Variants in GAS7 observed in about 807,000 individuals in gnomAD.
The protein encoded by GAS7 is growth arrest-specific protein 7.
Under a neutral mutation model 71.1 loss-of-function variants are expected in GAS7, and 28 were observed. That is an observed-to-expected ratio of 0.39 (90% CI 0.29 to 0.54). The LOEUF is 0.54. Among genes scored for constraint, GAS7 ranks in the 20% least tolerant of loss-of-function variants. The pLI, the probability that GAS7 is intolerant of heterozygous loss-of-function variation, is 0.62. For missense variants in GAS7, 436 were observed against 627.8 expected, an observed-to-expected ratio of 0.69 and a Z score of 3.27; for synonymous variants, 258 against 245.8, an observed-to-expected ratio of 1.05 and a Z score of -0.46.
intron 2 of GAS7, among the ~76,000 whole-genome samples, chr17:9,992,414 G>C (rs1311873195): frequency 6.6e-6 from 1 of 152,030 alleles, no homozygotes; most frequent in African/African-American, 2.4e-5. Context: ...GTGAAGATGA[G>C]GAGAAAGGAG....
rs2070126419 is a variant in GAS7 at position 9,974,904 on chromosome 17, C to T, written c.386-5142G>A. On this transcript the variant is annotated intron_variant, in intron 3 of 13. Transcript: ENST00000432992. This position sits in a 1 kb window ranked among gnomAD's most constrained non-coding sequence, Gnocchi z 4.0. ...TACCGATCCCTGAGGGAAAAAGTCGCATCCTCAGAGCCCTACTCTCCAGGT... is the reference window on the plus strand; with the variant it reads ...TACCGATCCCTGAGGGAAAAAGTCGTATCCTCAGAGCCCTACTCTCCAGGT... Among the ~76,000 whole-genome samples, 1 of 152,244 alleles carries T rather than the reference C, an allele frequency of 6.6e-6. No homozygotes were observed. Among genetic ancestry groups the T allele is most frequent in the South Asian group, 2.1e-4 (1 of 4,838 alleles).
chr17:10,058,779 G>A (rs990262830), intron 1 of GAS7, among the ~76,000 whole-genome samples: 3 of 152,212 alleles, frequency 2.0e-5, no homozygotes, highest in East Asian at 1.9e-4. Flanking sequence ...TGCAATGCCA[G>A]GGGAAGATAT....
At chr17:9,931,572 C>T (rs1305361631) in intron 9 of GAS7, among the ~76,000 whole-genome samples, 2 of 152,196 alleles carry the variant, frequency 1.3e-5, no homozygotes, top group African/African-American at 2.4e-5. Context: ...GGAAGGGAGG[C>T]CTTGAGGGGA....
chr17:9,960,514 T>C (rs1277716998), intron 4 of GAS7, among the ~76,000 whole-genome samples: 1 of 152,164 alleles, frequency 6.6e-6, no homozygotes, highest in African/African-American at 2.4e-5. Context: ...CTTGGTAGAA[T>C]GTAAGGAAGT....
chr17:10,146,964 A>G (rs895897854), intron 1 of GAS7, among the ~76,000 whole-genome samples: 12 of 152,134 alleles, frequency 7.9e-5, no homozygotes, highest in Non-Finnish European at 1.8e-4. Context: ...GTCTCATAAA[A>G]AAAACGATCT....
chr17:10,165,347 G>C (rs2074286533), intron 1 of GAS7, among the ~76,000 whole-genome samples: 1 of 149,272 alleles, frequency 6.7e-6, no homozygotes, highest in African/African-American at 2.5e-5. Context: ...TCATGCCCTA[G>C]AGATGTACCA....
intron 1 of GAS7, among the ~76,000 whole-genome samples, chr17:10,037,691 T>G (rs546215122): frequency 1.4e-5 from 2 of 144,578 alleles, no homozygotes; most frequent in African/African-American, 5.3e-5. Flanking sequence ...AAAATGCAGA[T>G]GATCACAGTA....
At chr17:9,930,728 G>C (rs1056689882) in intron 9 of GAS7, among the ~76,000 whole-genome samples, 25 of 152,076 alleles carry the variant, frequency 1.6e-4, no homozygotes, top group Non-Finnish European at 3.2e-4. Context: ...TTTTGGAGCA[G>C]ACATTAAAAA....
intron 1 of GAS7, among the ~76,000 whole-genome samples, chr17:10,175,601 TTAG>T (rs1467867430): frequency 1.9e-4 from 6 of 31,100 alleles, no homozygotes; most frequent in Admixed American, 1.2e-3. Context: ...TTTTATTTAG[TTAG>T]TTAGTTAGTT....
intron 1 of GAS7, among the ~76,000 whole-genome samples, chr17:10,152,937 C>T (rs2074177422): frequency 6.6e-6 from 1 of 151,438 alleles, no homozygotes; most frequent in African/African-American, 2.4e-5. Context: ...GTGGCTCACA[C>T]CTGTAATACC....
chr17:10,006,564 C>T (rs1321999441), intron 2 of GAS7, among the ~76,000 whole-genome samples: 2 of 151,782 alleles, frequency 1.3e-5, no homozygotes, highest in Non-Finnish European at 1.5e-5. Context: ...CTCCTGACCT[C>T]GTGATCCACC....
In GAS7 at chr17:10,083,473, G is replaced by GATGCCAGTCAGGGACTTCTGGCTGGCC. The variant is rs543111326; in HGVS notation, c.184-63577_184-63576insGGCCAGCCAGAAGTCCCTGACTGGCAT. Among the ~76,000 whole-genome samples the GATGCCAGTCAGGGACTTCTGGCTGGCC allele has an allele frequency of 1.8e-4, 27 of 152,370 alleles. 1 individual carries two copies. The South Asian group carries it at 4.3e-3, about 25-fold the overall frequency. On this transcript the variant is annotated intron_variant, in intron 1 of 13. Transcript: ENST00000432992. ...TGCCAGTCAGGGACTTCTGGCTGGC[G>GATGCCAGTCAGGGACTTCTGGCTGGCC]ATGCCAGAGGCCTTGCCCAGGGCAT...
intron 11 of GAS7, among the ~76,000 whole-genome samples, chr17:9,922,180 G>C (rs1021565822): frequency 5.5e-5 from 8 of 144,544 alleles, no homozygotes; most frequent in Non-Finnish European, 1.2e-4. Flanking sequence ...ATTAATATGG[G>C]CTATGGTGGT....
At chr17:10,099,798 C>G (rs528411999) in intron 1 of GAS7, among the ~76,000 whole-genome samples, 6 of 152,346 alleles carry the variant, frequency 3.9e-5, no homozygotes, top group African/African-American at 9.6e-5. Flanking sequence ...AAGGTATACC[C>G]TCTCACCAAC....
chr17:9,916,613 C>A lies in GAS7; in HGVS notation c.*615G>T, dbSNP rs907709735. 18 of 280,414 alleles carry A rather than the reference C, an allele frequency of 6.4e-5. No homozygotes were observed. Among genetic ancestry groups the A allele is most frequent in the Middle Eastern group, 9.8e-4 (1 of 1,022 alleles). 17.4% of individuals were successfully genotyped at this position (280,414 alleles called of 1,614,324 possible). A position where few individuals can be genotyped will look rare whatever the true frequency, so the allele number is the denominator to read the frequency against. ...TGAGGTAGTTCCATCCTGACCTCTC[C>A]AGGCATGGTGGGTCTGGGAAGACAG... On this transcript the variant is annotated 3_prime_UTR_variant, in exon 14 of 14. Coordinates refer to ENST00000432992, the MANE Select transcript of GAS7 (RefSeq NM_201433.2).
chr17:10,007,900 G>GC (rs981364254), intron 2 of GAS7, among the ~76,000 whole-genome samples: 41 of 141,796 alleles, frequency 2.9e-4, no homozygotes, highest in African/African-American at 1.1e-3. Flanking sequence ...ATTAATTCCA[G>GC]CTCCCCCCCG....
chr17:10,025,439 G>A (rs2072429156), intron 1 of GAS7, among the ~76,000 whole-genome samples: 1 of 151,714 alleles, frequency 6.6e-6, no homozygotes, highest in South Asian at 2.1e-4. Flanking sequence ...GTCCCCAAGT[G>A]AGCATATGAT....
At chr17:9,932,186 C>A (rs150537675) in intron 9 of GAS7, among the ~76,000 whole-genome samples, 4 of 146,646 alleles carry the variant, frequency 2.7e-5, no homozygotes, top group Non-Finnish European at 6.0e-5. Flanking sequence ...TCTGAAAGGT[C>A]CCCCCCGCTT....
rs397857157 is a variant in GAS7 at position 10,178,702 on chromosome 17, CTTTTTTTTTTTTTTT to C, written c.183+19491_183+19505del. ...TCAACTCCCCTCCCTCCCCCACCAC[CTTTTTTTTTTTTTTT>C]TTTTTTTTTTTTTTTTGCTGATGAG... On this transcript the variant is annotated intron_variant, in intron 1 of 13. Transcript: ENST00000432992. Among the ~76,000 whole-genome samples the C allele has an allele frequency of 6.1e-4, 21 of 34,590 alleles. 1 individual carries two copies. In the Admixed American group the frequency reaches 8.9e-3, roughly 15 times the overall value. The allele number at this position is 34,590 out of a possible 152,430, so 22.7% of individuals were successfully genotyped here. A position where few individuals can be genotyped will look rare whatever the true frequency, so the allele number is the denominator to read the frequency against.
Sources: allele counts gnomAD v4.1 joint callset (sites outside exome capture counted in the v4.1 genomes callset), GRCh38; gene constraint gnomAD v4.1.1; non-coding constraint Gnocchi (gnomAD v3.1); transcripts MANE v1.5; gene names NCBI Gene and HGNC (gene_info 2026-07-23, HGNC 2026-07-21).